The following RPL26L1 variants were observed in gnomAD, a reference collection of about 807,000 sequenced individuals.
RPL26L1 encodes the protein ribosomal protein L26 like 1, also known as ribosomal protein uL24-like.
RPL26L1 carries 8 observed loss-of-function variants against 15.2 expected under a neutral mutation model. The ratio of observed to expected loss-of-function variants is 0.53; its 90% confidence interval spans 0.31 to 0.95. The LOEUF (loss-of-function observed/expected upper bound fraction) is 0.95. RPL26L1 is among the 40% of genes least tolerant of loss of function. The pLI, the probability that RPL26L1 is intolerant of heterozygous loss-of-function variation, is 0.05. For synonymous variants in RPL26L1, 51 were observed against 65.9 expected, an observed-to-expected ratio of 0.77 and a Z score of 1.09; for missense variants, 146 against 190.9, an observed-to-expected ratio of 0.76 and a Z score of 1.39.
At chr5:172,957,111 A>G (rs1561752417), upstream of RPL26L1, 1 of 449,508 alleles carries the variant, frequency 2.2e-6, no homozygotes, top group South Asian at 1.6e-5. Flanking sequence ...GGGCTCAAGC[A>G]CTTCCCCATG....
chr5:172,963,104 G>A (rs190157572), intron 2 of RPL26L1, among the ~76,000 whole-genome samples: 26 of 151,856 alleles, frequency 1.7e-4, no homozygotes, highest in African/African-American at 5.8e-4. Context: ...ATGGCCAGGC[G>A]CGGTGGCTCA....
At chr5:172,968,683 A>C (rs1357433219) in intron 3 of RPL26L1, 84 bp downstream of exon 3, 2 of 1,527,748 alleles carry the variant, frequency 1.3e-6, no homozygotes, top group Admixed American at 1.7e-5. Context: ...TACTCCCTGC[A>C]CAGTTGGCTG....
At chr5:172,954,308 G>A (rs552215576), upstream of RPL26L1, among the ~76,000 whole-genome samples, 483 of 152,226 alleles carry the variant, frequency 3.2e-3, 1 homozygote, top group South Asian at 0.022. Flanking sequence ...GATGGTTCAC[G>A]CCTATAATCC....
upstream of RPL26L1, chr5:172,957,144 A>T (rs752659626): frequency 1.1e-5 from 5 of 455,262 alleles, no homozygotes; most frequent in Non-Finnish European, 2.2e-5. Context: ...CGAGAAATAA[A>T]AAGACTCACC....
At chr5:172,961,968 C>T (rs200566154) in intron 2 of RPL26L1, among the ~76,000 whole-genome samples, 1 of 152,208 alleles carries the variant, frequency 6.6e-6, no homozygotes, top group East Asian at 1.9e-4. Context: ...ACTCTACTCC[C>T]ATCTTCCACA....
chr5:172,958,284 ATCT>A, upstream of RPL26L1: 4 of 405,192 alleles, frequency 9.9e-6, no homozygotes, highest in South Asian at 5.3e-5. Context: ...AAAAAAAAAA[ATCT>A]AGTATTAGTA....
At chr5:172,958,838 T>TAAGAGGGGCGGGGTCTAGGA (rs372606525), upstream of RPL26L1, 2 of 114,788 alleles carry the variant, frequency 1.7e-5, no homozygotes, top group African/African-American at 3.7e-5. Flanking sequence ...GGGGACTGGA[T>TAAGAGGGGCGGGGTCTAGGA]GAGAGGGGCG....
chr5:172,968,583 G>A lies in RPL26L1; in HGVS notation c.293G>A (p.Gly98Asp), dbSNP rs1415139843. The A allele has an allele frequency of 1.2e-6, 2 of 1,613,978 alleles. No homozygotes were observed. The highest frequency in any genetic ancestry group is 4.5e-5 in the East Asian group (2 of 44,872). The change falls in exon 3 of 4, where the codon GGC (glycine) becomes GAC (aspartate). Residue 98 changes from glycine (G) to aspartate (D), a missense_variant. Physicochemically the swap from Gly to Asp is moderately conservative, Grantham distance 94. Transcript: ENST00000265100. ...EKANGTTVHVGIHPSKVVITR... is the reference protein window; with the variant it reads ...EKANGTTVHVDIHPSKVVITR... ...GCCAACGGCACAACTGTCCACGTGG[G>A]CATTCACCCAAGCAAGGTATGGTCA...
intron 2 of RPL26L1, among the ~76,000 whole-genome samples, chr5:172,964,838 G>A (rs1005276723): frequency 1.3e-5 from 2 of 152,134 alleles, no homozygotes; most frequent in African/African-American, 4.8e-5. Context: ...ACACCTACAC[G>A]TTTACCTGTA....
intron 2 of RPL26L1, among the ~76,000 whole-genome samples, chr5:172,965,324 A>G (rs1371108619): frequency 6.6e-6 from 1 of 152,030 alleles, no homozygotes; most frequent in East Asian, 1.9e-4. Context: ...CTTCCTCCAT[A>G]CTTGTTCCTT....
Position 172,959,968 on chromosome 5 carries a change from C to A in RPL26L1, c.95C>A (p.Ser32Tyr), listed in dbSNP as rs765721867. ...CACGTGCGCAGGAAGATCATGTCAT[C>A]CCCGCTCTCCAAGGAGCTGCGGCAG... Reference protein sequence around the residue: ...PSHVRRKIMSSPLSKELRQKY... With the variant: ...PSHVRRKIMSYPLSKELRQKY... Residue 32 changes from serine (S) to tyrosine (Y), a missense_variant, in exon 2 of 4, where the codon TCC (serine) becomes TAC (tyrosine). By Grantham distance (144) the Ser-to-Tyr change is moderately radical. Coordinates refer to ENST00000265100, the MANE Select transcript of RPL26L1 (RefSeq NM_016093.4). 6.2e-7 allele frequency: 1 copy of A among 1,614,088 alleles called. No homozygotes were observed. Among genetic ancestry groups the A allele is most frequent in the Non-Finnish European group, 8.5e-7 (1 of 1,180,032 alleles).
upstream of RPL26L1, chr5:172,957,091 T>C: frequency 4.6e-6 from 2 of 432,586 alleles, no homozygotes; most frequent in Non-Finnish European, 9.3e-6. Context: ...CCCAAGCGAT[T>C]TGGGTGCCAG....
At chr5:172,954,292 G>A (rs144394776), upstream of RPL26L1, among the ~76,000 whole-genome samples, 190 of 152,250 alleles carry the variant, frequency 1.2e-3, 1 homozygote, top group African/African-American at 4.4e-3. Flanking sequence ...TTGGGAGGCC[G>A]GACGCGATGG....
At chr5:172,954,721 CTG>C, upstream of RPL26L1, 1 of 331,320 alleles carries the variant, frequency 3.0e-6, no homozygotes, top group South Asian at 2.4e-5. Context: ...ACAGGTTTCT[CTG>C]TAAGGTAGAG....
chr5:172,968,613 C>CCGAG lies in RPL26L1; in HGVS notation c.309+14_309+15insCGAG. On this transcript the variant is annotated intron_variant, in intron 3 of 3. Coordinates refer to ENST00000265100, the MANE Select transcript of RPL26L1 (RefSeq NM_016093.4). Reference sequence around the variant, plus strand: ...CACCCAAGCAAGGTATGGTCAAGGACTGAGTGGCAGTAGCAGCCATGGAGT... The same window carrying CCGAG: ...CACCCAAGCAAGGTATGGTCAAGGACCGAGTGAGTGGCAGTAGCAGCCATGGAGT... 2 of 1,613,810 alleles carry CCGAG rather than the reference C, an allele frequency of 1.2e-6. No homozygotes were observed. The highest frequency in any genetic ancestry group is 2.2e-5 in the South Asian group (2 of 91,068).
upstream of RPL26L1, chr5:172,958,406 C>A (rs539703226): frequency 3.1e-5 from 14 of 456,150 alleles, no homozygotes; most frequent in Non-Finnish European, 6.2e-5. Context: ...AGACATCTTC[C>A]CTCTCTGAGT....
Position 172,969,402 on chromosome 5 carries a change from A to T in RPL26L1, c.310-11A>T. The T allele has an allele frequency of 6.2e-7, 1 of 1,612,076 alleles. No individual in the cohort carries two copies. Among genetic ancestry groups the T allele is most frequent in the Non-Finnish European group, 8.5e-7 (1 of 1,179,042 alleles). On this transcript the variant is annotated splice_polypyrimidine_tract_variant and intron_variant, in intron 3 of 3. Coordinates refer to ENST00000265100, the MANE Select transcript of RPL26L1 (RefSeq NM_016093.4). ...TGCAGAAATAAAGACCTGTTTTCTC[A>T]CTCCCAACAGGTGGTTATCACCAGG...
intron 1 of RPL26L1, 109 bp from the exon 2 acceptor site, chr5:172,959,756 A>T: frequency 7.7e-7 from 1 of 1,301,804 alleles, no homozygotes; most frequent in Non-Finnish European, 1.1e-6. Context: ...TTCAGAGGCT[A>T]CCTCCCCTGT....
At chr5:172,955,138 T>G (rs1231537979), upstream of RPL26L1, 3 of 366,282 alleles carry the variant, frequency 8.2e-6, no homozygotes, top group African/African-American at 2.2e-5. Flanking sequence ...AGTTTTTTTT[T>G]TTTTTTTTTT....
Sources: gnomAD v4.1 joint callset for allele counts (sites outside exome capture counted in the v4.1 genomes callset) on GRCh38, gnomAD v4.1.1 for gene constraint, MANE v1.5 for transcripts, NCBI Gene and HGNC (gene_info 2026-07-23, HGNC 2026-07-21) for gene names.